Variants in DSCAML1 observed in about 807,000 individuals in gnomAD.
DSCAML1 encodes cell adhesion molecule DSCAML1.
A neutral mutation model predicts 200.5 loss-of-function variants in DSCAML1; 38 were observed. The ratio of observed to expected loss-of-function variants is 0.19; its 90% CI spans 0.15 to 0.25. DSCAML1 has a LOEUF of 0.25. Ranked by LOEUF, DSCAML1 falls within the 10% of genes least tolerant of loss-of-function variation. The pLI is 1.00. For missense variants in DSCAML1, 2,223 were observed against 2,858.8 expected (o/e 0.78, Z 5.07); for synonymous variants, 1,215 against 1,165.0 (o/e 1.04, Z -0.87).
chr11:117,591,153 C>T (rs2051251189), intron 3 of DSCAML1, among the ~76,000 whole-genome samples: 2 of 151,960 alleles, frequency 1.3e-5, no homozygotes, highest in Non-Finnish European at 1.5e-5. Context: ...TTTAAAAATT[C>T]ATTTATGTAT....
chr11:117,630,707 A>G (rs2052155496), intron 3 of DSCAML1, among the ~76,000 whole-genome samples: 1 of 146,464 alleles, frequency 6.8e-6, no homozygotes, highest in Admixed American at 6.9e-5. Flanking sequence ...GGTAGAAGGC[A>G]GGGCCGGTGT....
chr11:117,465,120 G>T lies in DSCAML1; in HGVS notation c.3087C>A (p.Asn1029Lys), dbSNP rs771694914. The T allele has an allele frequency of 6.2e-7, 1 of 1,614,108 alleles. No homozygotes were observed. The highest frequency in any genetic ancestry group is 8.5e-7 in the Non-Finnish European group (1 of 1,180,018). The part of the protein sequence containing the change: ...IRGYQIGYRE[N>K]SPGSNGQYSI... Reference sequence around the variant, plus strand: ...TGTACTGCCCGTTGCTGCCGGGGCTGTTCTCTCTGTAGCCAATCTGGTAGC... The same window carrying T: ...TGTACTGCCCGTTGCTGCCGGGGCTTTTCTCTCTGTAGCCAATCTGGTAGC... The change falls in exon 17 of 33, where the codon AAC becomes AAA. Residue 1029 changes from asparagine (N) to lysine (K), a missense_variant. By Grantham distance (94) the Asn-to-Lys change is moderately conservative. Transcript: ENST00000651296.
intron 3 of DSCAML1, among the ~76,000 whole-genome samples, chr11:117,774,236 T>C (rs930835603): frequency 2.0e-5 from 3 of 152,332 alleles, no homozygotes; most frequent in Middle Eastern, 3.4e-3. Context: ...GAGCTTTTAT[T>C]TACCCTGAGT....
chr11:117,633,672 C>T (rs1340436351), intron 3 of DSCAML1, among the ~76,000 whole-genome samples: 1 of 152,170 alleles, frequency 6.6e-6, no homozygotes, highest in Non-Finnish European at 1.5e-5. Context: ...TTTTCACAAA[C>T]CTGTTTTCAA....
intron 3 of DSCAML1, among the ~76,000 whole-genome samples, chr11:117,612,460 C>T (rs922584226): frequency 6.6e-6 from 1 of 152,170 alleles, no homozygotes; most frequent in Admixed American, 6.5e-5. Context: ...GCCCCTAACA[C>T]ACCACTAGTC....
chr11:117,806,010 G>A (rs546211758), intron 1 of DSCAML1, among the ~76,000 whole-genome samples: 24 of 152,318 alleles, frequency 1.6e-4, no homozygotes, highest in Admixed American at 3.9e-4. Flanking sequence ...CCTGGCCTGC[G>A]CTCAGCTAAG....
At chr11:117,770,650 G>A (rs1591492144) in intron 3 of DSCAML1, among the ~76,000 whole-genome samples, 2 of 140,128 alleles carry the variant, frequency 1.4e-5, no homozygotes, top group East Asian at 4.4e-4. Context: ...ATACATTCCT[G>A]TAATGGGGAT....
intron 3 of DSCAML1, among the ~76,000 whole-genome samples, chr11:117,575,815 G>A (rs1225939073): frequency 6.6e-6 from 1 of 151,802 alleles, no homozygotes; most frequent in Non-Finnish European, 1.5e-5. Flanking sequence ...TTGGGTGACA[G>A]AGCCAGATCC....
intron 11 of DSCAML1, among the ~76,000 whole-genome samples, chr11:117,499,714 T>G (rs1396160704): frequency 6.6e-6 from 1 of 152,208 alleles, no homozygotes; most frequent in Admixed American, 6.5e-5. Context: ...ACTGTGTGCT[T>G]AGGCACTCGT....
At chr11:117,450,744 GA>G in intron 19 of DSCAML1, 56 bp from the exon 20 acceptor site, 1 of 1,574,046 alleles carries the variant, frequency 6.4e-7, no homozygotes, top group Non-Finnish European at 8.6e-7. Context: ...AGCCTTTGGG[GA>G]AAATGACAGA....
chr11:117,476,631 G>A (rs1378125725), intron 14 of DSCAML1, among the ~76,000 whole-genome samples: 1 of 152,242 alleles, frequency 6.6e-6, no homozygotes, highest in African/African-American at 2.4e-5. Context: ...GTGAACAGGG[G>A]CGAAATGTGG....
In DSCAML1 at chr11:117,582,923, T is replaced by C. The variant is rs144601547; in HGVS notation, c.512-50401A>G. ...GAGGACAAAAGAATGCTAACAGCAC[T>C]TCATGCTTTCAAAGTGTTTTCATAA... On this transcript the variant is annotated intron_variant, in intron 3 of 32. Coordinates refer to ENST00000651296, the MANE Select transcript of DSCAML1 (RefSeq NM_020693.4). Among the ~76,000 whole-genome samples, 109 of 152,278 alleles carry C rather than the reference T, an allele frequency of 7.2e-4. 1 individual carries two copies. The Middle Eastern group carries it at 0.014, about 19-fold the overall frequency.
At chr11:117,524,671 G>T in intron 5 of DSCAML1, 134 bp downstream of exon 5, 3 of 1,139,710 alleles carry the variant, frequency 2.6e-6, no homozygotes, top group Non-Finnish European at 3.7e-6. Flanking sequence ...ATACCAGACT[G>T]CCTTCCCCAG....
chr11:117,780,537 T>C lies in DSCAML1; in HGVS notation c.320A>G (p.Asn107Ser). 1 of 1,473,648 alleles carries C rather than the reference T, an allele frequency of 6.8e-7. No individual in the cohort carries two copies. The highest frequency in any genetic ancestry group is 9.0e-7 in the Non-Finnish European group (1 of 1,106,318). 91.3% of individuals were successfully genotyped at this position (1,473,648 alleles called of 1,614,324 possible). ...HDNDYFCTAE[N>S]AAGKIRSPNI... ...GGGGCTCCGGATCTTGCCGGCAGCGTTCTCCGCGGTGCAGAAGTAGTCATT... is the reference window on the plus strand; with the variant it reads ...GGGGCTCCGGATCTTGCCGGCAGCGCTCTCCGCGGTGCAGAAGTAGTCATT... The change falls in exon 2 of 33, where the codon AAC becomes AGC. Residue 107 changes from asparagine to serine, a missense_variant. By Grantham distance (46) the Asn-to-Ser change is conservative. Transcript: ENST00000651296. This position sits in a 1 kb window ranked among gnomAD's most constrained non-coding sequence, Gnocchi z 4.8.
chr11:117,716,606 T>A (rs1441037718), intron 3 of DSCAML1, among the ~76,000 whole-genome samples: 1 of 152,060 alleles, frequency 6.6e-6, no homozygotes, highest in Non-Finnish European at 1.5e-5. Flanking sequence ...GCCAACCAAC[T>A]CTAAGACCTC....
rs182764719 is a variant in DSCAML1 at position 117,450,703 on chromosome 11, G to A, written c.3569-15C>T. The A allele has an allele frequency of 9.9e-6, 16 of 1,611,940 alleles. No individual in the cohort carries two copies. In the East Asian group the frequency reaches 3.3e-4, roughly 34 times the overall value. ...GGGACCTGGAACTGAGCAGGGAGAA[G>A]GCCTGGTCAGTTGAGAGAAAGCAGG... On this transcript the variant is annotated splice_polypyrimidine_tract_variant and intron_variant, in intron 19 of 32. Transcript: ENST00000651296.
chr11:117,709,049 A>G (rs1707792083), intron 3 of DSCAML1, among the ~76,000 whole-genome samples: 1 of 152,194 alleles, frequency 6.6e-6, no homozygotes, highest in Non-Finnish European at 1.5e-5. Context: ...GGATATCGAT[A>G]ATATTCACCT....
rs565291347 is a variant in DSCAML1, at chr11:117,626,550, C to T, written c.512-94028G>A. 2.6e-5 allele frequency among the ~76,000 whole-genome samples: 4 copies of T among 152,306 alleles called. No homozygotes were observed. The South Asian group carries it at 6.2e-4, about 24-fold the overall frequency. On this transcript the variant is annotated intron_variant, in intron 3 of 32. Coordinates refer to ENST00000651296, the MANE Select transcript of DSCAML1 (RefSeq NM_020693.4). Reference sequence around the variant, plus strand: ...TCACTGGGGCAGTCATGTCTCCTCTCTGGGCCTCTGTTTCCTTATTCATAA... The same window carrying T: ...TCACTGGGGCAGTCATGTCTCCTCTTTGGGCCTCTGTTTCCTTATTCATAA...
At chr11:117,800,432 G>T (rs1013984753), upstream of DSCAML1, among the ~76,000 whole-genome samples, 1 of 152,222 alleles carries the variant, frequency 6.6e-6, no homozygotes, top group African/African-American at 2.4e-5. Flanking sequence ...GCCAGAGTGA[G>T]AACAAACACA....
Sources: allele counts gnomAD v4.1 joint callset (sites outside exome capture counted in the v4.1 genomes callset), GRCh38; gene constraint gnomAD v4.1.1; non-coding constraint Gnocchi (gnomAD v3.1); transcripts MANE v1.5; gene names NCBI Gene and HGNC (gene_info 2026-07-23, HGNC 2026-07-21).